Variants in SAV1 observed in about 807,000 individuals in gnomAD.
The protein encoded by SAV1 is protein salvador homolog 1.
In SAV1, 23 loss-of-function variants were observed where a neutral mutation model predicts 47.3. The observed-to-expected ratio is 0.49, with a 90% CI of 0.35 to 0.69. The LOEUF (loss-of-function observed/expected upper bound fraction) is 0.69. Ranked by LOEUF, SAV1 falls within the 30% of genes least tolerant of loss-of-function variation. SAV1 has a pLI of 0.01. For missense variants in SAV1, 448 were observed against 457.4 expected, an observed-to-expected ratio of 0.98 and a Z score of 0.19; for synonymous variants, 155 against 159.2, an observed-to-expected ratio of 0.97 and a Z score of 0.20.
chr14:50,661,247 T>C (rs1239101143), intron 2 of SAV1, among the ~76,000 whole-genome samples: 2 of 152,228 alleles, frequency 1.3e-5, no homozygotes, highest in African/African-American at 2.4e-5. Flanking sequence ...TTTTGGCCAT[T>C]TGTATGTCTT....
chr14:50,658,011 C>G (rs570205542), intron 2 of SAV1, among the ~76,000 whole-genome samples: 1 of 152,214 alleles, frequency 6.6e-6, no homozygotes, highest in African/African-American at 2.4e-5. Context: ...TCCACAGGGT[C>G]CCTAGTAATG....
At chr14:50,666,278 A>G (rs2039900812) in intron 1 of SAV1, among the ~76,000 whole-genome samples, 1 of 152,232 alleles carries the variant, frequency 6.6e-6, no homozygotes, top group Non-Finnish European at 1.5e-5. Context: ...TCAAAAAACC[A>G]AGCCTGAAAC....
chr14:50,653,946 A>G (rs1301075785), intron 2 of SAV1, among the ~76,000 whole-genome samples: 3 of 152,180 alleles, frequency 2.0e-5, no homozygotes. Flanking sequence ...TAAAAAAAGT[A>G]CAGGTCTTAA....
In SAV1 at chr14:50,665,597, C is replaced by A; in HGVS notation, c.117G>T (p.Arg39=). Reference sequence around the variant, plus strand: ...TTCGTCTTGGAATTGTTGGACCATGCCGGATGAATGAAGGCATAAGATCTA... The same window carrying A: ...TTCGTCTTGGAATTGTTGGACCATGACGGATGAATGAAGGCATAAGATCTA... ...LLRNLMPSFI[R]HGPTIPRRTD... Residue 39 remains arginine, a synonymous_variant, in exon 2 of 5, where the codon CGG becomes CGT. Coordinates refer to ENST00000324679, the MANE Select transcript of SAV1 (RefSeq NM_021818.4). 6.2e-7 allele frequency: 1 copy of A among 1,609,124 alleles called. No individual in the cohort carries two copies.
intron 2 of SAV1, among the ~76,000 whole-genome samples, chr14:50,661,788 G>C (rs1210866280): frequency 6.6e-6 from 1 of 152,068 alleles, no homozygotes; most frequent in Non-Finnish European, 1.5e-5. Context: ...TGTTCCATTG[G>C]TCTATGTGTC....
chr14:50,645,085 A>C, intron 2 of SAV1, 71 bp from the exon 3 acceptor site: 1 of 1,348,444 alleles, frequency 7.4e-7, no homozygotes, highest in Non-Finnish European at 1.0e-6. Flanking sequence ...GCCAGCTAGC[A>C]AAGTCACAAC....
chr14:50,657,461 T>C (rs1292843107), intron 2 of SAV1, among the ~76,000 whole-genome samples: 2 of 152,198 alleles, frequency 1.3e-5, no homozygotes, highest in African/African-American at 4.8e-5. Flanking sequence ...AGTGAATTAT[T>C]TTACCAGTGG....
rs778174225 is a variant in SAV1, at chr14:50,667,974, C to T, written c.-7G>A. On this transcript the variant is annotated 5_prime_UTR_variant, in exon 1 of 5. Coordinates refer to ENST00000324679, the MANE Select transcript of SAV1 (RefSeq NM_021818.4). Reference sequence around the variant, plus strand: ...TTTTCTTTCGGGACAGCATCCTTCTCGACGAGGCCCGAGGCCGCGCTGAAC... The same window carrying T: ...TTTTCTTTCGGGACAGCATCCTTCTTGACGAGGCCCGAGGCCGCGCTGAAC... The T allele has an allele frequency of 1.2e-6, 2 of 1,607,298 alleles. No homozygotes were observed. Among genetic ancestry groups the T allele is most frequent in the Non-Finnish European group, 1.7e-6 (2 of 1,177,480 alleles).
At chr14:50,641,176 C>T (rs2039678525) in intron 3 of SAV1, among the ~76,000 whole-genome samples, 2 of 152,122 alleles carry the variant, frequency 1.3e-5, no homozygotes, top group Non-Finnish European at 2.9e-5. Flanking sequence ...TAGTCATCAG[C>T]TGTAAATTCA....
At chr14:50,648,658 G>C (rs556616468) in intron 2 of SAV1, among the ~76,000 whole-genome samples, 9 of 151,866 alleles carry the variant, frequency 5.9e-5, no homozygotes, top group Non-Finnish European at 1.3e-4. Context: ...GGCGCCTGTA[G>C]TCCCAGCTAC....
At chr14:50,642,091 A>C (rs528045139) in intron 3 of SAV1, among the ~76,000 whole-genome samples, 1 of 152,314 alleles carries the variant, frequency 6.6e-6, no homozygotes, top group East Asian at 1.9e-4. Flanking sequence ...CATTATCCTA[A>C]GTGAATTAAT....
intron 2 of SAV1, among the ~76,000 whole-genome samples, chr14:50,654,588 C>G (rs937616938): frequency 6.6e-6 from 1 of 152,138 alleles, no homozygotes; most frequent in African/African-American, 2.4e-5. Flanking sequence ...CAAGAATTAC[C>G]AAGATGTGAC....
At chr14:50,657,942 G>A (rs1392626372) in intron 2 of SAV1, among the ~76,000 whole-genome samples, 4 of 152,268 alleles carry the variant, frequency 2.6e-5, no homozygotes, top group Admixed American at 1.3e-4. Flanking sequence ...CAAATAGGCC[G>A]GTTTCCAAAT....
At chr14:50,657,943 G>A (rs927466580) in intron 2 of SAV1, among the ~76,000 whole-genome samples, 3 of 152,168 alleles carry the variant, frequency 2.0e-5, no homozygotes, top group African/African-American at 7.2e-5. Context: ...AAATAGGCCG[G>A]TTTCCAAATT....
intron 2 of SAV1, 143 bp from the exon 3 acceptor site, chr14:50,645,157 T>G: frequency 1.4e-6 from 1 of 713,012 alleles, no homozygotes; most frequent in Non-Finnish European, 2.3e-6. Flanking sequence ...ATGATGGTTT[T>G]CATAAAACTA....
At chr14:50,637,412 A>G (rs1429775212) in intron 4 of SAV1, among the ~76,000 whole-genome samples, 1 of 152,202 alleles carries the variant, frequency 6.6e-6, no homozygotes, top group Non-Finnish European at 1.5e-5. Flanking sequence ...TTCCTAACAA[A>G]AAATCTTAAT....
chr14:50,648,270 G>T (rs2039738690), intron 2 of SAV1, among the ~76,000 whole-genome samples: 1 of 152,164 alleles, frequency 6.6e-6, no homozygotes, highest in African/African-American at 2.4e-5. Context: ...AACAGTGATT[G>T]CTAGGAACTG....
chr14:50,638,559 C>T (rs907112273), intron 4 of SAV1, among the ~76,000 whole-genome samples: 2 of 152,114 alleles, frequency 1.3e-5, no homozygotes, highest in Non-Finnish European at 2.9e-5. Flanking sequence ...CCTGCACCCA[C>T]CCGCCATAAC....
chr14:50,639,685 C>T (rs921120079), intron 4 of SAV1, among the ~76,000 whole-genome samples: 2 of 152,134 alleles, frequency 1.3e-5, no homozygotes, highest in Non-Finnish European at 2.9e-5. Context: ...CATTTAAGTA[C>T]TATCTCTTCC....
Sources: gnomAD v4.1 joint callset for allele counts (sites outside exome capture counted in the v4.1 genomes callset) on GRCh38, gnomAD v4.1.1 for gene constraint, MANE v1.5 for transcripts, NCBI Gene and HGNC (gene_info 2026-07-23, HGNC 2026-07-21) for gene names.